Variants in PLD5 observed in about 807,000 individuals in gnomAD.
The protein encoded by PLD5 is phospholipase D family member 5.
In PLD5, 36 loss-of-function variants were observed where a neutral mutation model predicts 61.1. The observed-to-expected ratio is 0.59, with a 90% CI of 0.45 to 0.78. The LOEUF is 0.78. PLD5 is among the 30% of genes least tolerant of loss of function. PLD5 has a pLI of 0.00. For missense variants in PLD5, 515 were observed against 644.4 expected (o/e 0.80, Z 2.17); for synonymous variants, 243 against 242.8 (o/e 1.00, Z -0.01).
chr1:242,413,220 T>C (rs1314477694), intron 1 of PLD5, among the ~76,000 whole-genome samples: 2 of 152,162 alleles, frequency 1.3e-5, no homozygotes, highest in Non-Finnish European at 2.9e-5. Context: ...ATCTTGAAAA[T>C]GCTCTTTCTT....
Position 242,524,237 on chromosome 1 carries a change from G to A in PLD5, c.40C>T (p.His14Tyr), listed in dbSNP as rs1346672900. The A allele has an allele frequency of 1.3e-6, 2 of 1,513,182 alleles. No homozygotes were observed. The highest frequency in any genetic ancestry group is 1.4e-5 in the African/African-American group (1 of 70,642). 93.7% of individuals were successfully genotyped at this position (1,513,182 alleles called of 1,614,324 possible). ...RQHEWLSASP[H>Y]EGFEQMRLKS... The stretch of plus-strand genomic sequence containing the variant: ...AGCCTCATCTGCTCGAAGCCCTCAT[G>A]GGGGGAGGCCGAGAGCCACTCGTGC... The change falls in exon 1 of 10, where the codon CAT (histidine) becomes TAT (tyrosine). Residue 14 changes from histidine to tyrosine, a missense_variant. Physicochemically the swap from His to Tyr is moderately conservative, Grantham distance 83 (BLOSUM62 2). Transcript: ENST00000536534.
chr1:242,185,013 G>A (rs896249007), intron 5 of PLD5, among the ~76,000 whole-genome samples: 11 of 152,172 alleles, frequency 7.2e-5, no homozygotes, highest in African/African-American at 2.7e-4. Context: ...TCTTAAAGCA[G>A]GTAGTTTGAC....
At chr1:242,165,128 GA>G (rs1442096271) in intron 5 of PLD5, among the ~76,000 whole-genome samples, 3 of 151,674 alleles carry the variant, frequency 2.0e-5, no homozygotes, top group Non-Finnish European at 4.4e-5. Flanking sequence ...TCCTTTCACA[GA>G]AGAAAATTGT....
chr1:242,127,784 G>C (rs541860208), intron 5 of PLD5, among the ~76,000 whole-genome samples: 6 of 152,220 alleles, frequency 3.9e-5, no homozygotes, highest in Admixed American at 3.9e-4. Flanking sequence ...AATACCACCA[G>C]TTGCTCAAAG....
chr1:242,494,880 G>T (rs60628191), intron 1 of PLD5, among the ~76,000 whole-genome samples: 60,727 of 135,722 alleles, frequency 0.45, 13,735 homozygotes, highest in East Asian at 0.63. Context: ...TTTCTTTTCT[G>T]TTTTTTTTTT....
intron 5 of PLD5, among the ~76,000 whole-genome samples, chr1:242,154,300 T>C (rs959239987): frequency 1.3e-5 from 2 of 152,170 alleles, no homozygotes; most frequent in Admixed American, 6.5e-5. Flanking sequence ...ACAGAGACAA[T>C]TGGACTTCCT....
intron 3 of PLD5, among the ~76,000 whole-genome samples, chr1:242,273,344 G>A (rs1401234389): frequency 3.3e-5 from 5 of 151,894 alleles, no homozygotes; most frequent in Non-Finnish European, 5.9e-5. Flanking sequence ...CATTTGGGTT[G>A]GTTCCAAGTC....
At chr1:242,500,200 T>C (rs1668509568) in intron 1 of PLD5, among the ~76,000 whole-genome samples, 1 of 152,206 alleles carries the variant, frequency 6.6e-6, no homozygotes, top group Non-Finnish European at 1.5e-5. Context: ...CAAGAATCTG[T>C]GGCCATGTTT....
chr1:242,419,003 A>C (rs1664979567), intron 1 of PLD5, among the ~76,000 whole-genome samples: 1 of 141,558 alleles, frequency 7.1e-6, no homozygotes, highest in South Asian at 2.1e-4. Context: ...TGTTCTTCTA[A>C]ATAAGTGGGA....
At chr1:242,294,795 T>A (rs1362183228) in intron 2 of PLD5, among the ~76,000 whole-genome samples, 1 of 152,222 alleles carries the variant, frequency 6.6e-6, no homozygotes, top group Admixed American at 6.5e-5. Flanking sequence ...GTCTGAAGAC[T>A]TATAATTGAA....
chr1:242,220,707 A>ATATTTTATTTTATTT (rs71570944), intron 4 of PLD5, among the ~76,000 whole-genome samples: 8,364 of 108,104 alleles, frequency 0.077, 299 homozygotes, highest in Non-Finnish European at 0.1. Flanking sequence ...TTTTTAATTT[A>ATATTTTATTTTATTT]TATTTTATTT....
intron 1 of PLD5, among the ~76,000 whole-genome samples, chr1:242,399,297 A>C (rs73130376): frequency 0.016 from 2,483 of 152,284 alleles, 68 homozygotes; most frequent in African/African-American, 0.057. Context: ...GAGTAGAGAG[A>C]ATTTATATAA....
chr1:242,156,046 C>T lies in PLD5; in HGVS notation c.736-31381G>A, dbSNP rs935650798. Reference sequence around the variant, plus strand: ...CATCTGGGTGTTCCTGTATTGGGTGCATATACGTTTAGGACAGTTAGCTCT... The same window carrying T: ...CATCTGGGTGTTCCTGTATTGGGTGTATATACGTTTAGGACAGTTAGCTCT... On this transcript the variant is annotated intron_variant, in intron 5 of 9. Coordinates refer to ENST00000536534, the MANE Select transcript of PLD5 (RefSeq NM_001372062.1). Among the ~76,000 whole-genome samples, 20 of 152,128 alleles carry T rather than the reference C, an allele frequency of 1.3e-4. 1 individual carries two copies. Among genetic ancestry groups the T allele is most frequent in the African/African-American group, 4.8e-4 (20 of 41,400 alleles).
intron 5 of PLD5, among the ~76,000 whole-genome samples, chr1:242,150,489 T>C (rs1194649092): frequency 3.3e-5 from 5 of 151,896 alleles, no homozygotes; most frequent in Non-Finnish European, 7.4e-5. Flanking sequence ...AGCTCTCTTT[T>C]TAGATGCATA....
At chr1:242,430,855 C>T (rs1166131644) in intron 1 of PLD5, among the ~76,000 whole-genome samples, 4 of 152,162 alleles carry the variant, frequency 2.6e-5, no homozygotes, top group African/African-American at 9.7e-5. Context: ...TAGATGAAGT[C>T]TGAACATGTC....
intron 8 of PLD5, among the ~76,000 whole-genome samples, chr1:242,106,209 C>T (rs1485182486): frequency 6.6e-6 from 1 of 152,162 alleles, no homozygotes; most frequent in African/African-American, 2.4e-5. Context: ...GTAACATTAA[C>T]CTGATGTTAG....
intron 3 of PLD5, among the ~76,000 whole-genome samples, chr1:242,273,351 A>G (rs1446543763): frequency 6.6e-6 from 1 of 152,114 alleles, no homozygotes; most frequent in African/African-American, 2.4e-5. Context: ...GTTGGTTCCA[A>G]GTCTTTGCTA....
At chr1:242,164,781 C>G (rs1490299993) in intron 5 of PLD5, among the ~76,000 whole-genome samples, 1 of 152,164 alleles carries the variant, frequency 6.6e-6, no homozygotes, top group Non-Finnish European at 1.5e-5. Flanking sequence ...ATGTCTACAA[C>G]TTAGTATACA....
At chr1:242,170,840 GA>G (rs1218025932) in intron 5 of PLD5, among the ~76,000 whole-genome samples, 1 of 151,858 alleles carries the variant, frequency 6.6e-6, no homozygotes, top group African/African-American at 2.4e-5. Context: ...AATAAAGCGA[GA>G]AAAAAGAATG....
Sources: allele counts gnomAD v4.1 joint callset (sites outside exome capture counted in the v4.1 genomes callset), GRCh38; gene constraint gnomAD v4.1.1; transcripts MANE v1.5; gene names NCBI Gene and HGNC (gene_info 2026-07-23, HGNC 2026-07-21).